POLR1C: variants seen among roughly 807,000 people sequenced by gnomAD.
POLR1C encodes the protein RNA polymerase I and III subunit C.
POLR1C carries 42 observed loss-of-function variants against 38.3 expected under a neutral mutation model. The observed-to-expected ratio is 1.10, with a 90% CI of 0.86 to 1.42. The LOEUF (loss-of-function observed/expected upper bound fraction) is 1.42, where lower values mean the gene tolerates loss of function less well. POLR1C is among the 40% of genes most tolerant of loss of function. POLR1C has a pLI of 0.00. For missense variants in POLR1C, 507 were observed against 450.5 expected (o/e 1.13, Z -1.14); for synonymous variants, 163 against 163.9 (o/e 0.99, Z 0.04).
chr6:43,539,477 T>C (rs555595656), intron 9 of POLR1C: 3 of 1,573,434 alleles, frequency 1.9e-6, no homozygotes, highest in South Asian at 1.1e-5. Context: ...CTCCAGGGAC[T>C]TGATCTTCAT....
intron 9 of POLR1C, among the ~76,000 whole-genome samples, chr6:43,536,777 A>G (rs796800783): frequency 6.7e-6 from 1 of 149,942 alleles, no homozygotes; most frequent in East Asian, 1.9e-4. Context: ...AAAAAAAAAA[A>G]AAAAAAAAAA....
chr6:43,538,082 C>CAAAA (rs1217531011), intron 9 of POLR1C, among the ~76,000 whole-genome samples: 1 of 36,128 alleles, frequency 2.8e-5, no homozygotes, highest in Non-Finnish European at 5.8e-5. Flanking sequence ...AAGATGGTCT[C>CAAAA]AAAAAAAAAA....
chr6:43,524,283 C>T (rs972657267), downstream of POLR1C, among the ~76,000 whole-genome samples: 1 of 148,284 alleles, frequency 6.7e-6, no homozygotes, highest in African/African-American at 2.5e-5. Flanking sequence ...ACCTGGGAGG[C>T]GGAGGTTGTG....
chr6:43,532,295 A>T (rs1444702564), downstream of POLR1C, among the ~76,000 whole-genome samples: 2 of 152,236 alleles, frequency 1.3e-5, no homozygotes, highest in Non-Finnish European at 2.9e-5. Flanking sequence ...GACAGACATG[A>T]GTTCTGGAAA....
chr6:43,524,088 C>T (rs561345033), downstream of POLR1C: 3,191 of 1,528,720 alleles, frequency 2.1e-3, 4 homozygotes, highest in Non-Finnish European at 2.6e-3. Flanking sequence ...CAGTGGCTCG[C>T]GCCTGTAATC....
downstream of POLR1C, chr6:43,524,489 G>A: frequency 1.2e-6 from 2 of 1,613,688 alleles, no homozygotes; most frequent in Non-Finnish European, 8.5e-7. Flanking sequence ...AACCAGCAAT[G>A]AGGCGTTTGA....
chr6:43,530,805 C>T, downstream of POLR1C: 1 of 1,611,964 alleles, frequency 6.2e-7, no homozygotes, highest in Non-Finnish European at 8.5e-7. Flanking sequence ...GAAGGGCCTG[C>T]CTTCCCTAGG....
intron 9 of POLR1C, chr6:43,548,445 G>T: frequency 6.4e-7 from 1 of 1,572,872 alleles, no homozygotes. Context: ...TGGTTATAAA[G>T]CATGTCAAAA....
chr6:43,555,731 A>T (rs891503266), intron 10 of POLR1C: 35 of 1,418,694 alleles, frequency 2.5e-5, no homozygotes, highest in East Asian at 1.9e-4. Flanking sequence ...TTTGAATAGT[A>T]TAAGTATATC....
chr6:43,530,892 A>G, downstream of POLR1C: 3 of 1,517,040 alleles, frequency 2.0e-6, no homozygotes, highest in Non-Finnish European at 2.6e-6. Context: ...GCCCTGTCCC[A>G]TGAATTTCAT....
intron 10 of POLR1C, chr6:43,556,071 C>A (rs1019308789): frequency 3.4e-6 from 5 of 1,457,398 alleles, no homozygotes; most frequent in Admixed American, 4.4e-5. Flanking sequence ...TTCAAAGGAA[C>A]TGTTTTGCAG....
At chr6:43,551,545 C>G in intron 10 of POLR1C, 1 of 1,497,888 alleles carries the variant, frequency 6.7e-7, no homozygotes, top group Middle Eastern at 2.4e-4. Flanking sequence ...TTTAAAGAGA[C>G]AGGGTCTCAT....
chr6:43,519,312 T>C, intron 2 of POLR1C, 21 bp from the exon 3 acceptor site: 1 of 1,431,886 alleles, frequency 7.0e-7, no homozygotes. Context: ...TTCACTTAAA[T>C]GTTTTTTCCT....
rs146489790 is a variant in POLR1C, at chr6:43,529,064, A to G, written c.923-185A>G. On this transcript the variant is annotated intron_variant, in intron 8 of 8. Coordinates refer to the POLR1C transcript ENST00000304004. ...AATATCCTGTGTTAACAGTGAAAAA[A>G]TCTTAAAGTTCTTTTCCTAAAATCC... 6.5e-4 allele frequency: 726 copies of G among 1,109,488 alleles called. 8 individuals are homozygous for G. The East Asian group carries it at 0.016, about 25-fold the overall frequency. 68.7% of individuals were successfully genotyped at this position (1,109,488 alleles called of 1,614,324 possible). A position where few individuals can be genotyped will look rare whatever the true frequency, so the allele number is the denominator to read the frequency against.
chr6:43,522,807 G>C (rs1320217634), downstream of POLR1C: 1 of 388,574 alleles, frequency 2.6e-6, no homozygotes, highest in East Asian at 8.5e-5. Context: ...CTTACGGCCA[G>C]TAATAACCTC....
intron 9 of POLR1C, chr6:43,546,529 T>A: frequency 1.9e-6 from 3 of 1,560,232 alleles, no homozygotes; most frequent in Non-Finnish European, 2.6e-6. Context: ...ATTTTTAAGG[T>A]AAAGTAGAAA....
chr6:43,524,591 A>G (rs1246743694), downstream of POLR1C: 4 of 1,613,972 alleles, frequency 2.5e-6, no homozygotes, highest in Non-Finnish European at 1.7e-6. Context: ...TCTGTATTTC[A>G]GGGATTTGCT....
chr6:43,558,629 T>C (rs774347742), intron 10 of POLR1C: 67 of 1,480,232 alleles, frequency 4.5e-5, no homozygotes, highest in Non-Finnish European at 5.7e-5. Flanking sequence ...GGGATGAAAG[T>C]GGACCCACTG....
At chr6:43,549,771 A>C in intron 9 of POLR1C, 1 of 1,221,318 alleles carries the variant, frequency 8.2e-7, no homozygotes, top group Non-Finnish European at 1.2e-6. Context: ...AAAACAACAT[A>C]TATGATAATC....
Sources: gnomAD v4.1 joint callset for allele counts (sites outside exome capture counted in the v4.1 genomes callset) on GRCh38, gnomAD v4.1.1 for gene constraint, MANE v1.5 for transcripts, NCBI Gene and HGNC (gene_info 2026-07-23, HGNC 2026-07-21) for gene names.